CCDC83: variants seen among roughly 807,000 people sequenced by gnomAD.
The protein encoded by CCDC83 is coiled-coil domain-containing protein 83.
Under a neutral mutation model 50.1 loss-of-function variants are expected in CCDC83, and 54 were observed. The ratio of observed to expected loss-of-function variants is 1.08; its 90% CI spans 0.87 to 1.35. The LOEUF (loss-of-function observed/expected upper bound fraction) is 1.35, where lower values mean the gene tolerates loss of function less well. Among genes scored for constraint, CCDC83 ranks in the 40% most tolerant of loss-of-function variants. The probability of loss-of-function intolerance (pLI) is 0.00; values close to 1 mark genes in which losing one functional copy is unlikely to be tolerated. For synonymous variants in CCDC83, 161 were observed against 153.3 expected (o/e 1.05, Z -0.37); for missense variants, 518 against 473.9 (o/e 1.09, Z -0.86).
chr11:85,888,395 A>G (rs560519208), intron 5 of CCDC83, among the ~76,000 whole-genome samples: 1 of 152,342 alleles, frequency 6.6e-6, no homozygotes, highest in Non-Finnish European at 1.5e-5. Flanking sequence ...ATTAAAAGTG[A>G]CACTGAATGT....
chr11:85,912,831 A>T, intron 8 of CCDC83: 1 of 805,808 alleles, frequency 1.2e-6, no homozygotes, highest in Non-Finnish European at 2.2e-6. Context: ...GATACCCTCT[A>T]AACTGCCAGA....
chr11:85,905,703 C>T (rs1383059515), intron 7 of CCDC83, among the ~76,000 whole-genome samples: 3 of 151,770 alleles, frequency 2.0e-5, no homozygotes, highest in Non-Finnish European at 2.9e-5. Context: ...GGCGCAGTGG[C>T]TCATGCCTGT....
intron 7 of CCDC83, among the ~76,000 whole-genome samples, chr11:85,905,616 A>C (rs564106978): frequency 5.3e-5 from 8 of 150,890 alleles, no homozygotes; most frequent in African/African-American, 1.5e-4. Flanking sequence ...GACTCAAAAA[A>C]ATAAAAAAAA....
At chr11:85,905,912 T>C (rs1363192065) in intron 7 of CCDC83, among the ~76,000 whole-genome samples, 1 of 130,806 alleles carries the variant, frequency 7.6e-6, no homozygotes, top group Non-Finnish European at 1.5e-5. Context: ...GAGCTTGCAG[T>C]GAGCTGAGAT....
At chr11:85,904,358 T>A (rs569591020) in intron 7 of CCDC83, among the ~76,000 whole-genome samples, 1 of 152,170 alleles carries the variant, frequency 6.6e-6, no homozygotes, top group Non-Finnish European at 1.5e-5. Flanking sequence ...TAGCAGGTAA[T>A]AGAGAGTCAT....
intron 1 of CCDC83, among the ~76,000 whole-genome samples, chr11:85,860,301 CAAAAAAAA>C (rs56657675): frequency 1.8e-5 from 1 of 55,946 alleles, no homozygotes; most frequent in African/African-American, 6.7e-5. Flanking sequence ...GACTCCGTCT[CAAAAAAAA>C]AAAAAAAAAA....
rs553074552 is a variant in CCDC83, at chr11:85,855,580, T to C, written c.-33T>C. The C allele has an allele frequency of 6.6e-6, 1 of 152,572 alleles. No homozygotes were observed. Among genetic ancestry groups the C allele is most frequent in the South Asian group, 2.1e-4 (1 of 4,830 alleles). The allele number at this position is 152,572 out of a possible 1,614,324, so 9.5% of individuals were successfully genotyped here. A position where few individuals can be genotyped will look rare whatever the true frequency, so the allele number is the denominator to read the frequency against. On this transcript the variant is annotated 5_prime_UTR_variant, in exon 1 of 11. Coordinates refer to ENST00000342404, the MANE Select transcript of CCDC83 (RefSeq NM_001286159.2). ...CTCGAAAGGCAGGCTCTGAATTTGA[T>C]TCAGGTTTGTAACCTTCACGGTGCC...
intron 7 of CCDC83, among the ~76,000 whole-genome samples, chr11:85,905,381 G>T (rs896190144): frequency 6.7e-6 from 1 of 149,448 alleles, no homozygotes; most frequent in East Asian, 2.0e-4. Flanking sequence ...GGCAAAGTTT[G>T]CAGTGAGCCG....
intron 10 of CCDC83, among the ~76,000 whole-genome samples, chr11:85,917,166 G>GAGAGAAAGAAAGAAAGAAAGAAAGAA (rs756949334): frequency 8.0e-5 from 5 of 62,454 alleles, no homozygotes; most frequent in Non-Finnish European, 1.3e-4. Context: ...GAGAGAGAGA[G>GAGAGAAAGAAAGAAAGAAAGAAAGAA]AGAAAGAAAG....
At chr11:85,874,752 T>C (rs950209970) in intron 3 of CCDC83, among the ~76,000 whole-genome samples, 1 of 152,226 alleles carries the variant, frequency 6.6e-6, no homozygotes. Context: ...TAATGACTAA[T>C]TTGCCAGGTC....
chr11:85,867,269 C>A (rs371802975), intron 2 of CCDC83, among the ~76,000 whole-genome samples: 1 of 152,032 alleles, frequency 6.6e-6, no homozygotes, highest in South Asian at 2.1e-4. Flanking sequence ...TGGCCTCAAG[C>A]GATCCTCCTG....
Position 85,883,295 on chromosome 11 carries a change from T to C in CCDC83, c.343+620T>C, listed in dbSNP as rs141745613. 1.1e-3 allele frequency among the ~76,000 whole-genome samples: 170 copies of C among 152,142 alleles called. 1 individual carries two copies. The highest frequency in any genetic ancestry group is 3.4e-3 in the Middle Eastern group (1 of 294). On this transcript the variant is annotated intron_variant, in intron 4 of 10. Transcript: ENST00000342404. Reference sequence around the variant, plus strand: ...TAGGGTTTTGTTCTTTTTCTTTTTTTTCTTTTTTTTTTTAATTCTGTTGTT... The same window carrying C: ...TAGGGTTTTGTTCTTTTTCTTTTTTCTCTTTTTTTTTTTAATTCTGTTGTT...
intron 7 of CCDC83, among the ~76,000 whole-genome samples, chr11:85,907,541 A>T (rs2093431173): frequency 6.6e-6 from 1 of 152,198 alleles, no homozygotes; most frequent in South Asian, 2.1e-4. Flanking sequence ...TAACGTTTTA[A>T]CTAAATTATC....
intron 7 of CCDC83, among the ~76,000 whole-genome samples, chr11:85,910,551 T>C (rs892451155): frequency 1.3e-5 from 2 of 152,248 alleles, no homozygotes; most frequent in Non-Finnish European, 2.9e-5. Context: ...GTTTTCATTG[T>C]ATTGTTTATA....
intron 4 of CCDC83, 52 bp downstream of exon 4, chr11:85,882,727 G>A: frequency 6.7e-7 from 1 of 1,500,812 alleles, no homozygotes; most frequent in Non-Finnish European, 9.2e-7. Context: ...GTTATTTCTT[G>A]AATATATTAA....
rs1436715318 is a variant in CCDC83, at chr11:85,882,545, C to T, written c.213C>T (p.His71=). ...GCTTAAAAGAAGAACAGATTTGGCA[C>T]ATACGGCATCTACTAAAGGAACTGA... The part of the protein sequence containing the change: ...NSRLKEEQIW[H]IRHLLKELSE... The change falls in exon 4 of 11, where the codon CAC becomes CAT. Residue 71 remains histidine, a synonymous_variant. Coordinates refer to ENST00000342404, the MANE Select transcript of CCDC83 (RefSeq NM_001286159.2). 2.5e-6 allele frequency: 4 copies of T among 1,613,714 alleles called. No individual in the cohort carries two copies. In the African/African-American group the frequency reaches 5.3e-5, roughly 22 times the overall value.
chr11:85,897,617 T>C (rs2093381287), intron 6 of CCDC83, among the ~76,000 whole-genome samples: 2 of 152,136 alleles, frequency 1.3e-5, no homozygotes, highest in African/African-American at 4.8e-5. Context: ...TTCTAGGAGA[T>C]TCAAATGTGT....
In CCDC83 at chr11:85,903,011, C is replaced by T. The variant is rs144669900; in HGVS notation, c.672+3996C>T. Among the ~76,000 whole-genome samples, 1,066 of 152,166 alleles carry T rather than the reference C, an allele frequency of 7.0e-3. 8 individuals are homozygous for T. The highest frequency in any genetic ancestry group is 0.011 in the Non-Finnish European group (739 of 68,010). On this transcript the variant is annotated intron_variant, in intron 7 of 10. Coordinates refer to ENST00000342404, the MANE Select transcript of CCDC83 (RefSeq NM_001286159.2). Reference sequence around the variant, plus strand: ...CTTTGGGAGGCTGAGGCATGTGGATCGCTTGAGGTCAGGAGTTAGAGACTA... The same window carrying T: ...CTTTGGGAGGCTGAGGCATGTGGATTGCTTGAGGTCAGGAGTTAGAGACTA...
At chr11:85,887,686 G>A (rs1215767100) in intron 5 of CCDC83, among the ~76,000 whole-genome samples, 1 of 147,648 alleles carries the variant, frequency 6.8e-6, no homozygotes, top group African/African-American at 2.5e-5. Flanking sequence ...ATCACAAATA[G>A]CATGCTATAA....
Sources: allele counts gnomAD v4.1 joint callset (sites outside exome capture counted in the v4.1 genomes callset), GRCh38; gene constraint gnomAD v4.1.1; transcripts MANE v1.5; gene names NCBI Gene and HGNC (gene_info 2026-07-23, HGNC 2026-07-21).